Variants in PIGX observed in about 807,000 individuals in gnomAD.
PIGX encodes GPI alpha-1,4-mannosyltransferase I, stabilizing subunit.
In PIGX, 24 loss-of-function variants were observed where a neutral mutation model predicts 28.7. That is an observed-to-expected ratio of 0.84 (90% confidence interval 0.60 to 1.17). The LOEUF is 1.17. Ranked by LOEUF, PIGX falls within the 50% of genes most tolerant of loss-of-function variation. PIGX has a pLI of 0.00. For synonymous variants in PIGX, 127 were observed against 121.0 expected (o/e 1.05, Z -0.33); for missense variants, 305 against 317.8 (o/e 0.96, Z 0.31).
At chr3:196,715,514 A>G (rs1712062119) in intron 1 of PIGX, among the ~76,000 whole-genome samples, 1 of 152,346 alleles carries the variant, frequency 6.6e-6, no homozygotes, top group African/African-American at 2.4e-5. Context: ...CATGTTAGAT[A>G]TTATTTAACC....
In PIGX at chr3:196,726,157, G is replaced by A. The variant is rs1257256382; in HGVS notation, c.319-1766G>A. ...ATACAAAAAATTAGCCAGGCATGGT[G>A]GCGTGTGTCTATAGTCTCAGCTACT... On this transcript the variant is annotated intron_variant, in intron 3 of 5. Transcript: ENST00000392391. Among the ~76,000 whole-genome samples, 3 of 152,152 alleles carry A rather than the reference G, an allele frequency of 2.0e-5. No homozygotes were observed. The East Asian group carries it at 5.8e-4, about 29-fold the overall frequency.
At chr3:196,712,680 G>C in intron 1 of PIGX, 36 bp downstream of exon 1, 1 of 1,176,368 alleles carries the variant, frequency 8.5e-7, no homozygotes, top group Non-Finnish European at 1.1e-6. Context: ...CAGAGCGTGG[G>C]AGCGGTCCCG....
chr3:196,728,808 T>C, intron 4 of PIGX: 4 of 764,290 alleles, frequency 5.2e-6, no homozygotes, highest in Non-Finnish European at 9.6e-6. Context: ...AGGCATGTAC[T>C]ATGTGTTTCT....
chr3:196,713,398 G>C (rs1409136310), intron 1 of PIGX, among the ~76,000 whole-genome samples: 1 of 151,702 alleles, frequency 6.6e-6, no homozygotes, highest in Non-Finnish European at 1.5e-5. Context: ...CCTTTCCCAA[G>C]TTCAAGCAAT....
At chr3:196,721,831 C>T (rs1326927962) in intron 2 of PIGX, among the ~76,000 whole-genome samples, 1 of 152,014 alleles carries the variant, frequency 6.6e-6, no homozygotes, top group African/African-American at 2.4e-5. Context: ...TGGTTCATTG[C>T]ACCCTCCACC....
intron 3 of PIGX, among the ~76,000 whole-genome samples, chr3:196,723,478 G>A (rs1482278045): frequency 6.6e-6 from 1 of 152,172 alleles, no homozygotes; most frequent in African/African-American, 2.4e-5. Context: ...ATCTTACCCC[G>A]TAGTTAGAAA....
At position 196,733,760 on chromosome 3, in the gene PIGX, T is replaced by C. The variant is rs751717737; in HGVS notation, c.635T>C (p.Val212Ala). ...TAACTTCTCTCTCTCTCTCCATAGG[T>C]ATATAAGAATGTGATTCTACAAGTT... The change falls in exon 6 of 6, where the codon GTA becomes GCA. Residue 212 changes from valine (V) to alanine (A), a missense_variant and splice_region_variant. By Grantham distance (64) the Val-to-Ala change is moderately conservative. Transcript: ENST00000392391. The surrounding 1 kb of genome is among the most constrained non-coding windows in gnomAD (Gnocchi z 4.3). The C allele has an allele frequency of 2.5e-6, 4 of 1,590,978 alleles. No individual in the cohort carries two copies. The highest frequency in any genetic ancestry group is 3.5e-6 in the Non-Finnish European group (4 of 1,159,088).
chr3:196,733,944 C>T lies in PIGX; in HGVS notation c.*42C>T, dbSNP rs779747329. 1 of 1,215,878 alleles carries T rather than the reference C, an allele frequency of 8.2e-7. No individual in the cohort carries two copies. Among genetic ancestry groups the T allele is most frequent in the South Asian group, 1.3e-5 (1 of 79,660 alleles). 75.3% of individuals were successfully genotyped at this position (1,215,878 alleles called of 1,614,324 possible). A position where few individuals can be genotyped will look rare whatever the true frequency, so the allele number is the denominator to read the frequency against. On this transcript the variant is annotated 3_prime_UTR_variant, in exon 6 of 6. Coordinates refer to ENST00000392391, the MANE Select transcript of PIGX (RefSeq NM_017861.4). This position sits in a 1 kb window ranked among gnomAD's most constrained non-coding sequence, Gnocchi z 4.3. ...TGCTTCCTAGAAACCTAAATAAGATCTATTAATTTCTGACGAGAGGTGTTC... is the reference window on the plus strand; with the variant it reads ...TGCTTCCTAGAAACCTAAATAAGATTTATTAATTTCTGACGAGAGGTGTTC...
intron 2 of PIGX, among the ~76,000 whole-genome samples, chr3:196,721,766 T>C (rs1712333911): frequency 6.6e-6 from 1 of 151,986 alleles, no homozygotes; most frequent in South Asian, 2.1e-4. Context: ...TTTTTTCTTT[T>C]TTTTTAGATG....
intron 1 of PIGX, among the ~76,000 whole-genome samples, 154 bp from the exon 2 acceptor site, chr3:196,716,704 A>G (rs937757130): frequency 6.6e-6 from 1 of 152,116 alleles, no homozygotes; most frequent in Non-Finnish European, 1.5e-5. Flanking sequence ...TTATATATAT[A>G]TTTCAAATTG....
chr3:196,717,517 T>C (rs1712150248), intron 2 of PIGX, among the ~76,000 whole-genome samples: 1 of 152,106 alleles, frequency 6.6e-6, no homozygotes, highest in Non-Finnish European at 1.5e-5. Flanking sequence ...AAGTTCCCTA[T>C]ATCAAATGGC....
rs35728280 is a variant in PIGX at position 196,714,463 on chromosome 3, CT to C, written c.112+1838del. 4.4e-3 allele frequency among the ~76,000 whole-genome samples: 618 copies of C among 138,880 alleles called. 1 individual carries two copies. The highest frequency in any genetic ancestry group is 5.5e-3 in the Non-Finnish European group (354 of 64,354). 91.1% of individuals were successfully genotyped at this position (138,880 alleles called of 152,430 possible). ...TGTGTGACAGAGTAAGGCCCTGTCT[CT>C]TTTTTTTTTTTTTTTTTTGAGACGG... On this transcript the variant is annotated intron_variant, in intron 1 of 5. Transcript: ENST00000392391.
intron 1 of PIGX, among the ~76,000 whole-genome samples, chr3:196,713,836 CAAA>C (rs200901752): frequency 0.46 from 48,156 of 105,306 alleles, 8,011 homozygotes; most frequent in East Asian, 0.6. Context: ...GACTCTGTCT[CAAA>C]AAAAAAAAAA....
chr3:196,728,363 C>T (rs1441071721), intron 4 of PIGX: 3 of 590,450 alleles, frequency 5.1e-6, no homozygotes, highest in East Asian at 5.6e-5. Flanking sequence ...ATGCATCTGC[C>T]ATCCCTGTCC....
At chr3:196,727,014 A>C (rs896976269) in intron 3 of PIGX, among the ~76,000 whole-genome samples, 1 of 152,200 alleles carries the variant, frequency 6.6e-6, no homozygotes, top group Non-Finnish European at 1.5e-5. Context: ...GCTGTGACTA[A>C]CTGAAAAGGA....
intron 2 of PIGX, among the ~76,000 whole-genome samples, chr3:196,719,331 TA>T (rs1380124971): frequency 5.9e-5 from 9 of 152,276 alleles, no homozygotes; most frequent in African/African-American, 1.9e-4. Context: ...ATTTATTTTT[TA>T]TTTTTTTATT....
intron 3 of PIGX, among the ~76,000 whole-genome samples, chr3:196,723,263 C>A (rs1712395947): frequency 6.6e-6 from 1 of 152,168 alleles, no homozygotes; most frequent in African/African-American, 2.4e-5. Context: ...ATCACTTGAA[C>A]CTGGGAGGCG....
chr3:196,727,948 A>T lies in PIGX; in HGVS notation c.344A>T (p.Asp115Val). 2 of 1,610,756 alleles carry T rather than the reference A, an allele frequency of 1.2e-6. No individual in the cohort carries two copies. Among genetic ancestry groups the T allele is most frequent in the Non-Finnish European group, 1.7e-6 (2 of 1,177,560 alleles). Reference sequence around the variant, plus strand: ...GCAGTGATGGTTTCAGAAAATTTTGATATAGAGGCCCCTAACTATTTGTCC... The same window carrying T: ...GCAGTGATGGTTTCAGAAAATTTTGTTATAGAGGCCCCTAACTATTTGTCC... The change falls in exon 4 of 6, where the codon GAT (aspartate) becomes GTT (valine). Residue 115 changes from aspartate to valine, a missense_variant. Coordinates refer to ENST00000392391, the MANE Select transcript of PIGX (RefSeq NM_017861.4).
intron 5 of PIGX, among the ~76,000 whole-genome samples, chr3:196,732,237 TATATATATA>T (rs1712805726): frequency 1.6e-5 from 1 of 63,208 alleles, no homozygotes. Context: ...TATATATATA[TATATATATA>T]TATATATATA....
Sources: gnomAD v4.1 joint callset for allele counts (sites outside exome capture counted in the v4.1 genomes callset) on GRCh38, gnomAD v4.1.1 for gene constraint, Gnocchi (gnomAD v3.1) non-coding constraint, MANE v1.5 for transcripts, NCBI Gene and HGNC (gene_info 2026-07-23, HGNC 2026-07-21) for gene names.